The following VPS13D variants were observed in gnomAD, a reference collection of about 807,000 sequenced individuals.
VPS13D encodes vacuolar protein sorting 13 homolog D, also known as intermembrane lipid transfer protein VPS13D.
A neutral mutation model predicts 461.9 loss-of-function variants in VPS13D; 187 were observed. The ratio of observed to expected loss-of-function variants is 0.40; its 90% CI spans 0.36 to 0.46. The LOEUF (loss-of-function observed/expected upper bound fraction) is 0.46. VPS13D is among the 20% of genes least tolerant of loss of function. The pLI is 0.60. For missense variants in VPS13D, 4,711 were observed against 5,364.9 expected (o/e 0.88, Z 3.81); for synonymous variants, 1,951 against 1,986.3 (o/e 0.98, Z 0.47).
At chr1:12,363,877 G>T (rs61000668) in intron 52 of VPS13D, among the ~76,000 whole-genome samples, 3 of 147,626 alleles carry the variant, frequency 2.0e-5, no homozygotes, top group African/African-American at 5.0e-5. Flanking sequence ...CGCCTGAATC[G>T]GGGAGGCGGA....
intron 13 of VPS13D, among the ~76,000 whole-genome samples, chr1:12,265,107 T>G (rs1641227088): frequency 6.6e-6 from 1 of 152,156 alleles, no homozygotes; most frequent in Admixed American, 6.6e-5. Flanking sequence ...AGGCCACTAT[T>G]GAGACCTACT....
chr1:12,357,046 T>C (rs1050135105), intron 49 of VPS13D, among the ~76,000 whole-genome samples: 2 of 152,250 alleles, frequency 1.3e-5, no homozygotes, highest in African/African-American at 4.8e-5. Context: ...AAAAAACAAC[T>C]GTGAGGATTA....
chr1:12,410,303 G>T (rs113886265), intron 63 of VPS13D, among the ~76,000 whole-genome samples: 1 of 152,162 alleles, frequency 6.6e-6, no homozygotes, highest in Non-Finnish European at 1.5e-5. Context: ...ATTGGTTTTC[G>T]TTGAGACTGC....
intron 49 of VPS13D, 80 bp downstream of exon 49, chr1:12,356,604 G>T: frequency 6.5e-7 from 1 of 1,530,352 alleles, no homozygotes; most frequent in Non-Finnish European, 8.8e-7. Flanking sequence ...ATATATCCGT[G>T]TAAGTAGAAA....
chr1:12,443,249 T>A lies in VPS13D; in HGVS notation c.12334-12749T>A, dbSNP rs544783806. On this transcript the variant is annotated intron_variant, in intron 65 of 69. Transcript: ENST00000620676. Reference sequence around the variant, plus strand: ...AAGTCATACTGAATATATTCTTTTGTGACCTTTTGTCACTTACTGTGACAT... The same window carrying A: ...AAGTCATACTGAATATATTCTTTTGAGACCTTTTGTCACTTACTGTGACAT... Among the ~76,000 whole-genome samples the A allele has an allele frequency of 2.6e-5, 4 of 152,398 alleles. No homozygotes were observed. In the South Asian group the frequency reaches 8.3e-4, roughly 32 times the overall value.
At chr1:12,314,475 T>A in intron 30 of VPS13D, 148 bp downstream of exon 30, 1 of 720,504 alleles carries the variant, frequency 1.4e-6, no homozygotes, top group Non-Finnish European at 2.2e-6. Context: ...TACTGTATAT[T>A]AATGCATTAT....
At chr1:12,380,252 A>T (rs556837021) in intron 57 of VPS13D, among the ~76,000 whole-genome samples, 1 of 152,248 alleles carries the variant, frequency 6.6e-6, no homozygotes, top group Non-Finnish European at 1.5e-5. Context: ...TTTAAAAAGA[A>T]AAAAATTACC....
In VPS13D at chr1:12,338,239, C is replaced by G. The variant is rs775276463; in HGVS notation, c.8560C>G (p.Leu2854Val). ...DPPCFGQSLP[L>V]VYLRTRSTAS... ...TCTCTCCTGTCTACCAGGCCTCCCC[C>G]TTGTCTACCTTAGAACTAGGAGTAC... The change falls in exon 40 of 70, where the codon CTT becomes GTT. Residue 2854 changes from leucine to valine, a missense_variant. Physicochemically the swap from Leu to Val is conservative, Grantham distance 32. Around this residue, in one of 3 missense-constraint regions of VPS13D, gnomAD observed 4,411 missense variants for 4,937.8 expected, o/e 0.89. Coordinates refer to ENST00000620676, the MANE Select transcript of VPS13D (RefSeq NM_015378.4). 1.6e-4 allele frequency: 262 copies of G among 1,613,614 alleles called. 1 individual carries two copies. Among genetic ancestry groups the G allele is most frequent in the South Asian group, 4.5e-4 (41 of 91,068 alleles).
intron 24 of VPS13D, among the ~76,000 whole-genome samples, chr1:12,295,535 A>C (rs1375798134): frequency 1.3e-5 from 2 of 152,206 alleles, no homozygotes; most frequent in African/African-American, 4.8e-5. Context: ...GAAAATCTGG[A>C]AAAAAGAATC....
chr1:12,339,594 C>T (rs1643524117), intron 40 of VPS13D, among the ~76,000 whole-genome samples: 1 of 152,146 alleles, frequency 6.6e-6, no homozygotes, highest in Non-Finnish European at 1.5e-5. Flanking sequence ...ATAATGTTCT[C>T]TTTGATGGAC....
At chr1:12,317,965 G>A in intron 30 of VPS13D, 107 bp from the exon 31 acceptor site, 3 of 1,184,222 alleles carry the variant, frequency 2.5e-6, no homozygotes, top group Non-Finnish European at 3.6e-6. Flanking sequence ...AGGCAGTTTG[G>A]AAAATACCGG....
At chr1:12,419,137 C>T (rs1479001669) in intron 65 of VPS13D, among the ~76,000 whole-genome samples, 2 of 152,192 alleles carry the variant, frequency 1.3e-5, no homozygotes, top group Non-Finnish European at 2.9e-5. Context: ...CCACCCTCAT[C>T]CTGGATCTAT....
chr1:12,279,797 T>C lies in VPS13D; in HGVS notation c.4602+147T>C. ...CATAATACCATTGTTGAAACCTTGT[T>C]CCAATAATTGTGGAATCCTTTTGTC... On this transcript the variant is annotated intron_variant, in intron 20 of 69. Coordinates refer to ENST00000620676, the MANE Select transcript of VPS13D (RefSeq NM_015378.4). This position sits in a 1 kb window ranked among gnomAD's most constrained non-coding sequence, Gnocchi z 4.3. The C allele has an allele frequency of 1.3e-6, 1 of 770,894 alleles. No homozygotes were observed. The highest frequency in any genetic ancestry group is 1.8e-6 in the Non-Finnish European group (1 of 552,254). The allele number at this position is 770,894 out of a possible 1,614,324, so 47.8% of individuals were successfully genotyped here. A position where few individuals can be genotyped will look rare whatever the true frequency, so the allele number is the denominator to read the frequency against.
intron 42 of VPS13D, chr1:12,344,974 A>G (rs1359998827): frequency 1.3e-5 from 2 of 159,120 alleles, no homozygotes; most frequent in African/African-American, 4.8e-5. Flanking sequence ...GGATTTCAAC[A>G]AAGGAACCAA....
chr1:12,312,762 G>A (rs569259922), intron 29 of VPS13D, among the ~76,000 whole-genome samples: 11 of 152,086 alleles, frequency 7.2e-5, no homozygotes, highest in East Asian at 5.8e-4. Context: ...GGTCCCTCCC[G>A]CCCCAAAAAG....
In VPS13D at chr1:12,401,689, G is replaced by A. The variant is rs775694736; in HGVS notation, c.11866G>A (p.Asp3956Asn). ...CAAGCTGCTAAGTTTCTTTGGCTAC[G>A]ATCAAGCAGAATCAGGTAATGTTGA... Reference protein sequence around the residue: ...LLKLLSFFGYDQAESEVEKYD... With the variant: ...LLKLLSFFGYNQAESEVEKYD... Residue 3956 changes from aspartate (D) to asparagine (N), a missense_variant, in exon 62 of 70, where the codon GAT becomes AAT. Coordinates refer to ENST00000620676, the MANE Select transcript of VPS13D (RefSeq NM_015378.4). 159 of 1,613,060 alleles carry A rather than the reference G, an allele frequency of 9.9e-5. No individual in the cohort carries two copies. The highest frequency in any genetic ancestry group is 1.3e-4 in the African/African-American group (10 of 75,028).
chr1:12,365,445 C>G (rs1289061639), intron 52 of VPS13D, among the ~76,000 whole-genome samples: 1 of 152,184 alleles, frequency 6.6e-6, no homozygotes, highest in African/African-American at 2.4e-5. Flanking sequence ...GTGGCTCACG[C>G]CTGTAATCCC....
chr1:12,491,893 G>A (rs1645887252), intron 67 of VPS13D, among the ~76,000 whole-genome samples: 1 of 152,244 alleles, frequency 6.6e-6, no homozygotes, highest in Admixed American at 6.5e-5. Context: ...TGGCCGACAA[G>A]CTCCAGCTGG....
intron 60 of VPS13D, among the ~76,000 whole-genome samples, chr1:12,388,580 A>G (rs555808305): frequency 0.012 from 1,500 of 121,974 alleles, 29 homozygotes; most frequent in African/African-American, 0.042. Context: ...TCTCAGGGGG[A>G]AAAAAAAAAA....
Sources: allele counts gnomAD v4.1 joint callset (sites outside exome capture counted in the v4.1 genomes callset), GRCh38; gene constraint gnomAD v4.1.1; regional missense constraint gnomAD v4.1.1; non-coding constraint Gnocchi (gnomAD v3.1); transcripts MANE v1.5; gene names NCBI Gene and HGNC (gene_info 2026-07-23, HGNC 2026-07-21).